ARL8B: variants seen among roughly 807,000 people sequenced by gnomAD.
ARL8B encodes ARF like GTPase 8B, also known as ADP-ribosylation factor-like protein 8B.
Under a neutral mutation model 30.6 loss-of-function variants are expected in ARL8B, and 9 were observed. The observed-to-expected ratio is 0.29, with a 90% CI of 0.18 to 0.51. The LOEUF is 0.51. ARL8B is among the 20% of genes least tolerant of loss of function. The pLI is 0.97. For synonymous variants in ARL8B, 74 were observed against 76.0 expected (o/e 0.97, Z 0.14); for missense variants, 130 against 227.2 (o/e 0.57, Z 2.75).
At chr3:5,173,931 CT>C (rs2054701725) in intron 4 of ARL8B, 85 bp from the exon 5 acceptor site, 1 of 997,344 alleles carries the variant, frequency 1.0e-6, no homozygotes. Flanking sequence ...AACATCTTAA[CT>C]TTGTGTCTTC....
chr3:5,124,018 C>A (rs531115789), intron 1 of ARL8B, among the ~76,000 whole-genome samples: 1 of 152,218 alleles, frequency 6.6e-6, no homozygotes, highest in South Asian at 2.1e-4. Context: ...GGATTACAGA[C>A]GTCCTCCACC....
chr3:5,177,990 G>A (rs1352937097), intron 6 of ARL8B, among the ~76,000 whole-genome samples: 1 of 152,224 alleles, frequency 6.6e-6, no homozygotes, highest in Admixed American at 6.5e-5. Flanking sequence ...GAAACTGGTA[G>A]TGAATTTACC....
intron 1 of ARL8B, among the ~76,000 whole-genome samples, chr3:5,135,447 C>T (rs777303277): frequency 3.4e-4 from 52 of 151,654 alleles, no homozygotes; most frequent in African/African-American, 1.2e-3. Flanking sequence ...TCCTGGCTCA[C>T]TTAATTATTA....
At chr3:5,160,503 T>C (rs748813545) in intron 1 of ARL8B, among the ~76,000 whole-genome samples, 10 of 152,180 alleles carry the variant, frequency 6.6e-5, no homozygotes, top group Non-Finnish European at 8.8e-5. Context: ...CTAATTGAAA[T>C]TGTGGTTTGG....
intron 6 of ARL8B, among the ~76,000 whole-genome samples, chr3:5,175,541 C>T (rs2054722144): frequency 6.6e-6 from 1 of 152,064 alleles, no homozygotes; most frequent in Non-Finnish European, 1.5e-5. Flanking sequence ...AATTATATGC[C>T]CAAAATACCC....
Position 5,178,843 on chromosome 3 carries a change from A to C in ARL8B, c.*130A>C. The C allele has an allele frequency of 6.8e-7, 1 of 1,471,678 alleles. No homozygotes were observed. The highest frequency in any genetic ancestry group is 9.1e-7 in the Non-Finnish European group (1 of 1,096,784). The allele number at this position is 1,471,678 out of a possible 1,614,324, so 91.2% of individuals were successfully genotyped here. A position where few individuals can be genotyped will look rare whatever the true frequency, so the allele number is the denominator to read the frequency against. ...TTGCCTTTTTCAGAGTTTATTTCTC[A>C]TGTGCACTGCTGAAGATGAATATCC... On this transcript the variant is annotated 3_prime_UTR_variant, in exon 7 of 7. Transcript: ENST00000256496.
At chr3:5,171,804 A>T (rs1221145494) in intron 2 of ARL8B, among the ~76,000 whole-genome samples, 3 of 152,228 alleles carry the variant, frequency 2.0e-5, no homozygotes, top group African/African-American at 7.2e-5. Context: ...TCAAATCTGG[A>T]TGGTGCATGG....
At chr3:5,144,194 T>C (rs2054399945) in intron 1 of ARL8B, among the ~76,000 whole-genome samples, 1 of 152,204 alleles carries the variant, frequency 6.6e-6, no homozygotes, top group South Asian at 2.1e-4. Context: ...CTAATTTTAT[T>C]TTGACCACAT....
intron 1 of ARL8B, among the ~76,000 whole-genome samples, chr3:5,126,313 T>C (rs1559273708): frequency 6.6e-6 from 1 of 152,186 alleles, no homozygotes; most frequent in African/African-American, 2.4e-5. Context: ...TATAAAATAG[T>C]TGCTTTATAG....
chr3:5,138,589 G>A (rs2054346745), intron 1 of ARL8B, among the ~76,000 whole-genome samples: 1 of 152,114 alleles, frequency 6.6e-6, no homozygotes, highest in Non-Finnish European at 1.5e-5. Context: ...ATAAGGATGT[G>A]TTGTTGATGC....
intron 1 of ARL8B, among the ~76,000 whole-genome samples, chr3:5,155,500 T>C (rs1208895487): frequency 1.3e-5 from 2 of 152,166 alleles, no homozygotes; most frequent in Admixed American, 6.5e-5. Context: ...TGCCTCCTAT[T>C]ATCTGTCTTC....
intron 1 of ARL8B, among the ~76,000 whole-genome samples, chr3:5,151,814 G>A (rs1176584690): frequency 2.7e-5 from 4 of 148,410 alleles, no homozygotes; most frequent in African/African-American, 7.5e-5. Flanking sequence ...AACCTCCCAG[G>A]CTCAAGCAGT....
intron 1 of ARL8B, among the ~76,000 whole-genome samples, chr3:5,166,299 A>G (rs1042549081): frequency 6.6e-6 from 1 of 150,758 alleles, no homozygotes; most frequent in Non-Finnish European, 1.5e-5. Context: ...CGGCCTCCCA[A>G]AGTGCTGGGA....
rs1160029900 is a variant in ARL8B, at chr3:5,166,344, TTTCG to T, written c.124-4156_124-4153del. On this transcript the variant is annotated intron_variant, in intron 1 of 6. Coordinates refer to ENST00000256496, the MANE Select transcript of ARL8B (RefSeq NM_018184.3). ...TGAGCTGCTGCGCCTGGCTGGTATC[TTTCG>T]TTTTTTTTTTTTTTTTTTTGGTAAT... Among the ~76,000 whole-genome samples, 1,218 of 135,322 alleles carry T rather than the reference TTTCG, an allele frequency of 9.0e-3. 16 individuals carry two copies. The highest frequency in any genetic ancestry group is 0.034 in the African/African-American group (1,140 of 33,462). 88.8% of individuals were successfully genotyped at this position (135,322 alleles called of 152,430 possible). A position where few individuals can be genotyped will look rare whatever the true frequency, so the allele number is the denominator to read the frequency against.
chr3:5,152,408 G>C (rs1036613805), intron 1 of ARL8B, among the ~76,000 whole-genome samples: 19 of 152,082 alleles, frequency 1.2e-4, no homozygotes, highest in African/African-American at 4.6e-4. Flanking sequence ...TCAGCTTTCT[G>C]TGATAAGTGG....
At position 5,170,735 on chromosome 3, in the gene ARL8B, T is replaced by G. The variant is rs767791740; in HGVS notation, c.204+152T>G. 201 of 592,308 alleles carry G rather than the reference T, an allele frequency of 3.4e-4. 2 individuals are homozygous for G. Among genetic ancestry groups the G allele is most frequent in the Admixed American group, 3.2e-3 (90 of 28,426 alleles). The allele number at this position is 592,308 out of a possible 1,614,324, so 36.7% of individuals were successfully genotyped here. A position where few individuals can be genotyped will look rare whatever the true frequency, so the allele number is the denominator to read the frequency against. On this transcript the variant is annotated intron_variant, in intron 2 of 6. Transcript: ENST00000256496. Reference sequence around the variant, plus strand: ...GAATAGGTTTTTTTGTTGTTGTTTTTTTGTTTTTTTTTTGGAAACAGAGTT... The same window carrying G: ...GAATAGGTTTTTTTGTTGTTGTTTTGTTGTTTTTTTTTTGGAAACAGAGTT...
At chr3:5,176,620 C>G (rs1296909770) in intron 6 of ARL8B, among the ~76,000 whole-genome samples, 1 of 152,170 alleles carries the variant, frequency 6.6e-6, no homozygotes, top group African/African-American at 2.4e-5. Flanking sequence ...CAGTCTCAGC[C>G]TTAGTAACAG....
At chr3:5,177,050 G>A (rs986349105) in intron 6 of ARL8B, among the ~76,000 whole-genome samples, 10 of 152,108 alleles carry the variant, frequency 6.6e-5, no homozygotes, top group Admixed American at 2.6e-4. Flanking sequence ...AGTCCATTGT[G>A]CTATTTTGTA....
At chr3:5,157,195 AACCAGGCACTTGGGTGGT>A (rs142757606) in intron 1 of ARL8B, among the ~76,000 whole-genome samples, 2,175 of 152,334 alleles carry the variant, frequency 0.014, 87 homozygotes, top group East Asian at 0.088. Flanking sequence ...CACAGGGGTC[AACCAGGCACTTGGGTGGT>A]GGTCTACCTT....
Sources: allele counts gnomAD v4.1 joint callset (sites outside exome capture counted in the v4.1 genomes callset), GRCh38; gene constraint gnomAD v4.1.1; transcripts MANE v1.5; gene names NCBI Gene and HGNC (gene_info 2026-07-23, HGNC 2026-07-21).